APPL2: variants seen among roughly 807,000 people sequenced by gnomAD.
APPL2 encodes the protein adaptor protein, phosphotyrosine interacting with PH domain and leucine zipper 2.
In APPL2, 84 loss-of-function variants were observed where a neutral mutation model predicts 92.7. That is an observed-to-expected ratio of 0.91 (90% confidence interval 0.76 to 1.09). The LOEUF (loss-of-function observed/expected upper bound fraction) is 1.09. Ranked by LOEUF, APPL2 falls within the 50% of genes least tolerant of loss-of-function variation. APPL2 has a pLI of 0.00. For synonymous variants in APPL2, 291 were observed against 291.0 expected, an observed-to-expected ratio of 1.00 and a Z score of 0.00; for missense variants, 736 against 824.5, an observed-to-expected ratio of 0.89 and a Z score of 1.31.
intron 5 of APPL2, among the ~76,000 whole-genome samples, chr12:105,210,501 A>C (rs1889125836): frequency 6.6e-6 from 1 of 152,200 alleles, no homozygotes; most frequent in Non-Finnish European, 1.5e-5. Flanking sequence ...AGGACTAGAA[A>C]ATGTGGAGTC....
intron 19 of APPL2, 67 bp downstream of exon 19, chr12:105,176,809 A>G: frequency 3.8e-6 from 6 of 1,562,990 alleles, no homozygotes; most frequent in Non-Finnish European, 5.2e-6. Flanking sequence ...AAGTAATGCC[A>G]GAAAACTCTT....
chr12:105,209,419 A>G (rs560500045), intron 5 of APPL2, among the ~76,000 whole-genome samples: 1 of 152,240 alleles, frequency 6.6e-6, no homozygotes, highest in South Asian at 2.1e-4. Flanking sequence ...AAAAATCACC[A>G]TCCTGGGCAA....
chr12:105,235,911 C>A, intron 1 of APPL2, 48 bp downstream of exon 1: 1 of 1,226,806 alleles, frequency 8.2e-7, no homozygotes. Flanking sequence ...GAGGGGCCTC[C>A]TCGGCCTCAC....
At chr12:105,186,221 C>T (rs896240528) in intron 17 of APPL2, among the ~76,000 whole-genome samples, 1 of 151,994 alleles carries the variant, frequency 6.6e-6, no homozygotes, top group Non-Finnish European at 1.5e-5. Context: ...AGAATACTTG[C>T]ATTATATTTA....
chr12:105,213,237 C>T (rs1394869111), intron 4 of APPL2, among the ~76,000 whole-genome samples: 2 of 152,150 alleles, frequency 1.3e-5, no homozygotes, highest in Non-Finnish European at 2.9e-5. Flanking sequence ...CATTTTCTCC[C>T]CAAGAATTAA....
intron 1 of APPL2, among the ~76,000 whole-genome samples, chr12:105,235,599 T>C (rs1317057166): frequency 1.3e-5 from 2 of 152,226 alleles, no homozygotes. Context: ...TTATTATTCC[T>C]ATTTTACAGA....
intron 11 of APPL2, among the ~76,000 whole-genome samples, chr12:105,197,539 GACAAACCCTC>G (rs1887766887): frequency 6.6e-6 from 1 of 152,192 alleles, no homozygotes; most frequent in African/African-American, 2.4e-5. Context: ...CAAAGCCACA[GACAAACCCTC>G]ACTTATCTCC....
At chr12:105,211,465 C>A in intron 4 of APPL2, 148 bp from the exon 5 acceptor site, 1 of 606,976 alleles carries the variant, frequency 1.6e-6, no homozygotes, top group South Asian at 2.0e-5. Context: ...CTTCATAAAG[C>A]AGTAAATGAT....
In APPL2 at chr12:105,182,617, G is replaced by A. The variant is rs1008807735; in HGVS notation, c.1635-5355C>T. Among the ~76,000 whole-genome samples, 6 of 152,312 alleles carry A rather than the reference G, an allele frequency of 3.9e-5. No homozygotes were observed. The East Asian group carries it at 1.2e-3, about 29-fold the overall frequency. On this transcript the variant is annotated intron_variant, in intron 17 of 20. Transcript: ENST00000258530. ...CTAATTTGATTGCACTGTGGTCTGA[G>A]AGACAGTTTGTTGTGATTTCTGTTC...
At position 105,236,089 on chromosome 12, in the gene APPL2, G is replaced by A. The variant is rs559936495; in HGVS notation, c.-77C>T. ...ACGCGGCGGCCGAGAGCACTCCCCGGCTCTGGGCTCAGGCGACGCGGCGGC... is the reference window on the plus strand; with the variant it reads ...ACGCGGCGGCCGAGAGCACTCCCCGACTCTGGGCTCAGGCGACGCGGCGGC... On this transcript the variant is annotated 5_prime_UTR_variant, in exon 1 of 21. Coordinates refer to ENST00000258530, the MANE Select transcript of APPL2 (RefSeq NM_018171.5). The A allele has an allele frequency of 1.1e-4, 114 of 1,075,676 alleles. 1 individual carries two copies. The South Asian group carries it at 4.7e-3, about 44-fold the overall frequency. The allele number at this position is 1,075,676 out of a possible 1,614,324, so 66.6% of individuals were successfully genotyped here.
At chr12:105,235,716 G>C (rs551188175) in intron 1 of APPL2, among the ~76,000 whole-genome samples, 10 of 152,226 alleles carry the variant, frequency 6.6e-5, no homozygotes. Context: ...TTGCAGGGGG[G>C]TCACGACATC....
chr12:105,204,286 C>CT, intron 8 of APPL2, among the ~76,000 whole-genome samples: 1 of 152,314 alleles, frequency 6.6e-6, no homozygotes, highest in African/African-American at 2.4e-5. Flanking sequence ...AGAAAACGTT[C>CT]CGTGTGAGCA....
chr12:105,236,038 TG>T lies in APPL2; in HGVS notation c.-27del. ...GGTGCGGCGCGGCTCAGCCGAGGGC[TG>T]GGTTGGAAGGACAGAGGGCAGGAGA... On this transcript the variant is annotated 5_prime_UTR_variant, in exon 1 of 21. Coordinates refer to ENST00000258530, the MANE Select transcript of APPL2 (RefSeq NM_018171.5). 8.1e-7 allele frequency: 1 copy of T among 1,236,586 alleles called. No individual in the cohort carries two copies. The highest frequency in any genetic ancestry group is 3.9e-5 in the South Asian group (1 of 25,724). 76.6% of individuals were successfully genotyped at this position (1,236,586 alleles called of 1,614,324 possible).
chr12:105,208,285 A>C, intron 5 of APPL2, 86 bp from the exon 6 acceptor site: 2 of 1,519,824 alleles, frequency 1.3e-6, no homozygotes, highest in Non-Finnish European at 1.8e-6. Flanking sequence ...TGAAAATAAG[A>C]GAATATGCGT....
chr12:105,179,700 T>C (rs1463893134), intron 17 of APPL2, among the ~76,000 whole-genome samples: 2 of 152,252 alleles, frequency 1.3e-5, no homozygotes, highest in African/African-American at 2.4e-5. Flanking sequence ...GGTATCTCAT[T>C]GTGGTTTTGA....
intron 17 of APPL2, among the ~76,000 whole-genome samples, chr12:105,180,151 A>C (rs902669599): frequency 6.6e-6 from 1 of 152,100 alleles, no homozygotes; most frequent in Non-Finnish European, 1.5e-5. Context: ...ATTTTTGTAT[A>C]AGGTGTTAAG....
intron 16 of APPL2, 80 bp from the exon 17 acceptor site, chr12:105,188,527 G>C (rs962281133): frequency 1.3e-6 from 2 of 1,484,678 alleles, no homozygotes; most frequent in Non-Finnish European, 1.8e-6. Flanking sequence ...AGATGTGCTA[G>C]TTTTGCCTGC....
intron 10 of APPL2, among the ~76,000 whole-genome samples, chr12:105,198,949 T>A (rs957348036): frequency 1.3e-5 from 2 of 152,194 alleles, no homozygotes; most frequent in African/African-American, 4.8e-5. Context: ...TGTGACTCAA[T>A]CAGTATGAAT....
intron 9 of APPL2, among the ~76,000 whole-genome samples, chr12:105,201,030 T>A (rs1888161052): frequency 6.6e-6 from 1 of 152,130 alleles, no homozygotes; most frequent in African/African-American, 2.4e-5. Flanking sequence ...TGCCTCAGCC[T>A]CCCAAACAGC....
Sources: allele counts gnomAD v4.1 joint callset (sites outside exome capture counted in the v4.1 genomes callset), GRCh38; gene constraint gnomAD v4.1.1; transcripts MANE v1.5; gene names NCBI Gene and HGNC (gene_info 2026-07-23, HGNC 2026-07-21).